Variants in KPNA7 observed in about 807,000 individuals in gnomAD.
KPNA7 encodes karyopherin subunit alpha 7, also known as importin subunit alpha-8.
In KPNA7, 54 loss-of-function variants were observed where a neutral mutation model predicts 53.7. The ratio of observed to expected loss-of-function variants is 1.01; its 90% confidence interval spans 0.81 to 1.26. The LOEUF (loss-of-function observed/expected upper bound fraction) is 1.26, where lower values mean the gene tolerates loss of function less well. Ranked by LOEUF, KPNA7 falls within the 50% of genes most tolerant of loss-of-function variation. The probability of loss-of-function intolerance (pLI) is 0.00; values close to 1 mark genes in which losing one functional copy is unlikely to be tolerated. For missense variants in KPNA7, 640 were observed against 644.5 expected (o/e 0.99, Z 0.07); for synonymous variants, 276 against 259.3 (o/e 1.06, Z -0.62).
At position 99,181,061 on chromosome 7, in the gene KPNA7, GTCTCTCTCTCCATCTGTGTCTCTC is replaced by G. The variant is rs1563069043; in HGVS notation, c.1317+798_1317+821del. 5.1e-3 allele frequency among the ~76,000 whole-genome samples: 22 copies of G among 4,320 alleles called. 1 individual carries two copies. Among genetic ancestry groups the G allele is most frequent in the Non-Finnish European group, 0.01 (16 of 1,542 alleles). The allele number at this position is 4,320 out of a possible 152,430, so 2.8% of individuals were successfully genotyped here. A position where few individuals can be genotyped will look rare whatever the true frequency, so the allele number is the denominator to read the frequency against. ...TGTCTCTCTCTCTCTCTCCGTCTGT[GTCTCTCTCTCCATCTGTGTCTCTC>G]TCTCTCTCTCCGTCTGTGTCTCTCT... On this transcript the variant is annotated intron_variant, in intron 9 of 10. Transcript: ENST00000327442.
At chr7:99,205,862 G>T (rs1371336828) in intron 2 of KPNA7, among the ~76,000 whole-genome samples, 1 of 152,072 alleles carries the variant, frequency 6.6e-6, no homozygotes, top group African/African-American at 2.4e-5. Flanking sequence ...AAAATAAAAA[G>T]ATACAGAGAT....
the KPNA7 span, among the ~76,000 whole-genome samples, chr7:99,151,472 A>G: frequency 3.3e-5 from 5 of 149,764 alleles, no homozygotes; most frequent in South Asian, 2.1e-4. Flanking sequence ...TTTTTTTGAG[A>G]CAGGGTCTTT....
Position 99,208,044 on chromosome 7 carries a change from C to T in KPNA7, c.-40G>A, listed in dbSNP as rs543570680. On this transcript the variant is annotated 5_prime_UTR_variant, in exon 1 of 11. Transcript: ENST00000327442. ...GGGCTCAACCTGGCAGCAAGAACAA[C>T]AGTCTGGACTTCTCAGCTCCATGTC... Among the ~76,000 whole-genome samples the T allele has an allele frequency of 6.6e-6, 1 of 152,244 alleles. No homozygotes were observed. Among genetic ancestry groups the T allele is most frequent in the East Asian group, 1.9e-4 (1 of 5,162 alleles).
At chr7:99,176,135 A>G (rs1487105711) in intron 10 of KPNA7, among the ~76,000 whole-genome samples, 8 of 151,730 alleles carry the variant, frequency 5.3e-5, no homozygotes, top group Non-Finnish European at 7.4e-5. Context: ...CGTCTCTACT[A>G]AAAGTACAAA....
chr7:99,172,797 T>C (rs550056205), downstream of KPNA7, among the ~76,000 whole-genome samples: 3 of 152,126 alleles, frequency 2.0e-5, no homozygotes, highest in Admixed American at 2.0e-4. Context: ...GCATGTTGGC[T>C]CACGCCTGTA....
chr7:99,213,266 A>AACC (rs1488148102), intron 1 of KPNA7, among the ~76,000 whole-genome samples: 2 of 151,552 alleles, frequency 1.3e-5, no homozygotes, highest in East Asian at 3.9e-4. Flanking sequence ...AGCTGGAACT[A>AACC]AAGGCTCACA....
In KPNA7 at chr7:99,173,753, G is replaced by T. The variant is rs374639225; in HGVS notation, c.1506C>A (p.Asp502Glu). 87 of 1,551,616 alleles carry T rather than the reference G, an allele frequency of 5.6e-5. No individual in the cohort carries two copies. In the African/African-American group the frequency reaches 1.0e-3, roughly 19 times the overall value. Residue 502 changes from aspartate (D) to glutamate (E), a missense_variant, in exon 11 of 11, where the codon GAC becomes GAA. Physicochemically the swap from Asp to Glu is conservative, Grantham distance 45 (BLOSUM62 2). Coordinates refer to ENST00000327442, the MANE Select transcript of KPNA7 (RefSeq NM_001145715.3). Reference protein sequence around the residue: ...ESQTLLSQVIDQDYEFIDYEC... With the variant: ...ESQTLLSQVIEQDYEFIDYEC... ...CATAATCTATAAATTCATAATCTTGGTCTATGACTTGGCTCAGTAAAGTTT... is the reference window on the plus strand; with the variant it reads ...CATAATCTATAAATTCATAATCTTGTTCTATGACTTGGCTCAGTAAAGTTT...
At chr7:99,154,371 C>A in the KPNA7 span, among the ~76,000 whole-genome samples, 1,708 of 152,002 alleles carry the variant, frequency 0.011, 31 homozygotes, top group African/African-American at 0.039. Flanking sequence ...TCAAGCAATC[C>A]GCCCACCTTG....
Position 99,203,159 on chromosome 7 carries a change from T to C in KPNA7, c.148A>G (p.Ile50Val), listed in dbSNP as rs1208520574. 6.4e-7 allele frequency: 1 copy of C among 1,551,622 alleles called. No homozygotes were observed. Among genetic ancestry groups the C allele is most frequent in the East Asian group, 2.4e-5 (1 of 40,936 alleles). Residue 50 changes from isoleucine to valine, a missense_variant, in exon 3 of 11, where the codon ATC (isoleucine) becomes GTC (valine). By Grantham distance (29) the Ile-to-Val change is conservative. Transcript: ENST00000327442. ...KDEQTLKRRN[I>V]TSFCPDTPSE... ...GGTGTGTCAGGGCAGAAGCTCGTGA[T>C]ATTCCTTCTCTTTAAGGTCTGTTCA...
At chr7:99,167,613 CTTTTTTTTTTTTTTTTTT>C in the KPNA7 span, among the ~76,000 whole-genome samples, 4 of 67,040 alleles carry the variant, frequency 6.0e-5, no homozygotes, top group Admixed American at 2.3e-4. Context: ...TCACACCCAA[CTTTTTTTTTTTTTTTTTT>C]TTTTTTTTTT....
intron 6 of KPNA7, among the ~76,000 whole-genome samples, chr7:99,191,187 C>T (rs898289688): frequency 2.8e-5 from 4 of 144,878 alleles, no homozygotes; most frequent in African/African-American, 1.0e-4. Context: ...GAGATGGAGT[C>T]TTGCTCTGTC....
Position 99,181,864 on chromosome 7 carries a change from C to A in KPNA7, c.1317+19G>T. 6.7e-7 allele frequency: 1 copy of A among 1,503,260 alleles called. No individual in the cohort carries two copies. 93.1% of individuals were successfully genotyped at this position (1,503,260 alleles called of 1,614,324 possible). ...TTGGAGACAGCTATTTACAAACCAA[C>A]CTGTTCAGAACGGCTCACCTGGAGG... On this transcript the variant is annotated intron_variant, in intron 9 of 10. Transcript: ENST00000327442.
chr7:99,202,752 G>A (rs2150768152), intron 3 of KPNA7, among the ~76,000 whole-genome samples: 1 of 152,232 alleles, frequency 6.6e-6, no homozygotes, highest in Middle Eastern at 3.4e-3. Context: ...AGCTGAGGCA[G>A]GAGGTTCGCT....
At chr7:99,181,672 C>T (rs1799278878) in intron 9 of KPNA7, among the ~76,000 whole-genome samples, 2 of 152,142 alleles carry the variant, frequency 1.3e-5, no homozygotes, top group Admixed American at 1.3e-4. Flanking sequence ...CCTCAGCCTC[C>T]CAAGTAGCTG....
intron 10 of KPNA7, among the ~76,000 whole-genome samples, chr7:99,176,862 C>T (rs1798926965): frequency 6.6e-6 from 1 of 152,078 alleles, no homozygotes; most frequent in Non-Finnish European, 1.5e-5. Context: ...GCCTGGGTGA[C>T]AGAGCAGGAC....
At chr7:99,218,723 C>T (rs73157582) in intron 1 of KPNA7, among the ~76,000 whole-genome samples, 8,011 of 152,322 alleles carry the variant, frequency 0.053, 327 homozygotes, top group African/African-American at 0.11. Flanking sequence ...CAAGCTGCCC[C>T]CATGGGCAGG....
At chr7:99,169,140 G>A (rs1245376762), downstream of KPNA7, among the ~76,000 whole-genome samples, 3 of 151,984 alleles carry the variant, frequency 2.0e-5, no homozygotes, top group African/African-American at 7.2e-5. Flanking sequence ...TGGCGACAGA[G>A]AGACTCCCTG....
chr7:99,186,915 G>A (rs982689105), intron 7 of KPNA7, among the ~76,000 whole-genome samples: 2 of 152,144 alleles, frequency 1.3e-5, no homozygotes, highest in African/African-American at 4.8e-5. Flanking sequence ...AAAATAAAGA[G>A]CAGGCAGCAT....
At chr7:99,209,715 A>C (rs1791007584), upstream of KPNA7, among the ~76,000 whole-genome samples, 1 of 148,782 alleles carries the variant, frequency 6.7e-6, no homozygotes, top group Non-Finnish European at 1.5e-5. Context: ...AAAAAAGAAA[A>C]AAATCTGATT....
Sources: allele counts gnomAD v4.1 joint callset (sites outside exome capture counted in the v4.1 genomes callset), GRCh38; gene constraint gnomAD v4.1.1; transcripts MANE v1.5; gene names NCBI Gene and HGNC (gene_info 2026-07-23, HGNC 2026-07-21).